The following SPEG variants were observed in gnomAD, a reference collection of about 807,000 sequenced individuals.
SPEG encodes striated muscle enriched protein kinase, also known as striated muscle preferentially expressed protein kinase.
In SPEG, 114 loss-of-function variants were observed where a neutral mutation model predicts 300.4. That is an observed-to-expected ratio of 0.38 (90% confidence interval 0.33 to 0.44). The LOEUF (loss-of-function observed/expected upper bound fraction) is 0.44, where lower values mean the gene tolerates loss of function less well. SPEG is among the 20% of genes least tolerant of loss of function. The pLI, the probability that SPEG is intolerant of heterozygous loss-of-function variation, is 1.00. For missense variants in SPEG, 4,201 were observed against 4,586.2 expected, an observed-to-expected ratio of 0.92 and a Z score of 2.43; for synonymous variants, 1,964 against 2,018.9, an observed-to-expected ratio of 0.97 and a Z score of 0.73.
Position 219,488,202 on chromosome 2 carries a change from C to A in SPEG, c.7750C>A (p.Pro2584Thr). 1 of 1,611,996 alleles carries A rather than the reference C, an allele frequency of 6.2e-7. No homozygotes were observed. Among genetic ancestry groups the A allele is most frequent in the Non-Finnish European group, 8.5e-7 (1 of 1,178,616 alleles). ...CTCTGCTTTTCCTCCAGACTTCCCC[C>A]CAGTCTTCCACATCAAACTCAAGGA... ...QYVRSESDFP[P>T]VFHIKLKDQV... is the part of the protein sequence containing the mutation. Residue 2584 changes from proline to threonine, a missense_variant, in exon 32 of 41, where the codon CCA becomes ACA. Transcript: ENST00000312358.
Position 219,480,823 on chromosome 2 carries a change from G to A in SPEG, c.5369+126G>A. On this transcript the variant is annotated intron_variant, in intron 26 of 40. Transcript: ENST00000312358. The surrounding 1 kb of genome is among the most constrained non-coding windows in gnomAD (Gnocchi z 5.3). ...CTTCTTGCACTGCAAGGAGCCTCATGTGCATGAAGGTGGACACCCCTGTCT... is the reference window on the plus strand; with the variant it reads ...CTTCTTGCACTGCAAGGAGCCTCATATGCATGAAGGTGGACACCCCTGTCT... 3.4e-6 allele frequency: 3 copies of A among 890,644 alleles called. No homozygotes were observed. Among genetic ancestry groups the A allele is most frequent in the Non-Finnish European group, 5.5e-6 (3 of 544,628 alleles). 55.2% of individuals were successfully genotyped at this position (890,644 alleles called of 1,614,324 possible). A position where few individuals can be genotyped will look rare whatever the true frequency, so the allele number is the denominator to read the frequency against.
At chr2:219,436,962 G>A (rs1207800304) in intron 1 of SPEG, among the ~76,000 whole-genome samples, 3 of 152,190 alleles carry the variant, frequency 2.0e-5, no homozygotes, top group African/African-American at 7.2e-5. Context: ...GGGAACGAAA[G>A]AGCTGACAAG....
At chr2:219,469,498 G>A in intron 13 of SPEG, 119 bp downstream of exon 13, 1 of 836,654 alleles carries the variant, frequency 1.2e-6, no homozygotes, top group Admixed American at 2.5e-5. Context: ...CAGGGACAGG[G>A]TGCCTGGGGG....
Position 219,472,872 on chromosome 2 carries a change from T to C in SPEG, c.3941-18T>C. 2 of 1,558,492 alleles carry C rather than the reference T, an allele frequency of 1.3e-6. No individual in the cohort carries two copies. Among genetic ancestry groups the C allele is most frequent in the South Asian group, 1.2e-5 (1 of 82,278 alleles). On this transcript the variant is annotated intron_variant, in intron 15 of 40. Transcript: ENST00000312358. ...CTGCTCCTGCAACAGCAGCCTCTAG[T>C]AGCTCCTCTCCCGCCAGACCCGGAC...
intron 4 of SPEG, chr2:219,450,598 G>A (rs1254748087): frequency 2.0e-5 from 3 of 152,388 alleles, no homozygotes; most frequent in East Asian, 3.9e-4. Flanking sequence ...TTTGGTGAAC[G>A]GATGAAATCA....
chr2:219,448,790 A>G lies in SPEG; in HGVS notation c.1632A>G (p.Thr544=). 7.1e-7 allele frequency: 1 copy of G among 1,408,234 alleles called. No individual in the cohort carries two copies. The highest frequency in any genetic ancestry group is 1.5e-5 in the South Asian group (1 of 65,772). 87.2% of individuals were successfully genotyped at this position (1,408,234 alleles called of 1,614,324 possible). A position where few individuals can be genotyped will look rare whatever the true frequency, so the allele number is the denominator to read the frequency against. The change falls in exon 4 of 41, where the codon ACA becomes ACG. Residue 544 remains threonine, a synonymous_variant. Coordinates refer to ENST00000312358, the MANE Select transcript of SPEG (RefSeq NM_005876.5). ...TCTCTCGGCCCTCCACCCCCAAGACATCGCGGGCCGTGAGCCCCGCCGCCG... is the reference window on the plus strand; with the variant it reads ...TCTCTCGGCCCTCCACCCCCAAGACGTCGCGGGCCGTGAGCCCCGCCGCCG... The part of the protein sequence containing the change: ...PLFSRPSTPK[T]SRAVSPAAAQ...
At chr2:219,469,478 G>A in intron 13 of SPEG, 99 bp downstream of exon 13, 3 of 995,126 alleles carry the variant, frequency 3.0e-6, no homozygotes, top group Non-Finnish European at 1.5e-6. Flanking sequence ...CCTTTCCTCT[G>A]TAGCCTGACC....
chr2:219,436,464 G>A (rs900671238), intron 1 of SPEG, among the ~76,000 whole-genome samples: 2 of 152,258 alleles, frequency 1.3e-5, no homozygotes, highest in African/African-American at 4.8e-5. Flanking sequence ...AAGGAGCTGG[G>A]GGTTCACTCC....
rs1277639063 is a variant in SPEG at position 219,451,615 on chromosome 2, C to T, written c.2258-10C>T. The stretch of plus-strand genomic sequence containing the variant: ...GCCGTGGCGAGCCGGGTCCCTGTGC[C>T]TCCCCACAGTGTCCTGGCACAAGGA... On this transcript the variant is annotated splice_polypyrimidine_tract_variant and intron_variant, in intron 5 of 40. Transcript: ENST00000312358. The surrounding 1 kb of genome is among the most constrained non-coding windows in gnomAD (Gnocchi z 6.4). 2 of 1,530,248 alleles carry T rather than the reference C, an allele frequency of 1.3e-6. No individual in the cohort carries two copies. The highest frequency in any genetic ancestry group is 1.8e-6 in the Non-Finnish European group (2 of 1,139,296). The allele number at this position is 1,530,248 out of a possible 1,614,324, so 94.8% of individuals were successfully genotyped here. A position where few individuals can be genotyped will look rare whatever the true frequency, so the allele number is the denominator to read the frequency against.
intron 39 of SPEG, 60 bp from the exon 40 acceptor site, chr2:219,492,048 CCTT>C (rs1225732587): frequency 2.3e-5 from 35 of 1,546,324 alleles, no homozygotes; most frequent in Admixed American, 1.0e-4. Flanking sequence ...ACACTAATGT[CCTT>C]CTGGGTCTGG....
intron 1 of SPEG, among the ~76,000 whole-genome samples, chr2:219,441,815 GC>G (rs943830560): frequency 7.3e-5 from 11 of 151,194 alleles, no homozygotes; most frequent in African/African-American, 2.4e-4. Context: ...CAAGGAAGGG[GC>G]CCCAGGTGGG....
chr2:219,487,483 G>T (rs1693547590), intron 31 of SPEG, among the ~76,000 whole-genome samples: 1 of 152,202 alleles, frequency 6.6e-6, no homozygotes, highest in Admixed American at 6.5e-5. Context: ...TATTTTCCTT[G>T]ATTTACAGAT....
chr2:219,438,211 A>G (rs775320621), intron 1 of SPEG, among the ~76,000 whole-genome samples: 1 of 152,184 alleles, frequency 6.6e-6, no homozygotes, highest in Non-Finnish European at 1.5e-5. Flanking sequence ...GAAATGCAGG[A>G]TACTTGTAGA....
At chr2:219,465,860 T>C (rs1307570177) in intron 9 of SPEG, 3 of 612,166 alleles carry the variant, frequency 4.9e-6, no homozygotes, top group Admixed American at 2.5e-5. Flanking sequence ...TGTGTGTGCA[T>C]GTGTGTGCGT....
Position 219,467,278 on chromosome 2 carries a change from G to A in SPEG, c.2986G>A (p.Asp996Asn), listed in dbSNP as rs1691457187. The change falls in exon 10 of 41, where the codon GAC becomes AAC. Residue 996 changes from aspartate (D) to asparagine (N), a missense_variant. Coordinates refer to ENST00000312358, the MANE Select transcript of SPEG (RefSeq NM_005876.5). ...LFECLVAGPT[D>N]VEVDWLCRGR... Reference sequence around the variant, plus strand: ...TGAGTGCCTGGTGGCGGGGCCCACTGACGTGGAGGTGGATTGGCTGTGCCG... The same window carrying A: ...TGAGTGCCTGGTGGCGGGGCCCACTAACGTGGAGGTGGATTGGCTGTGCCG... The A allele has an allele frequency of 2.5e-6, 4 of 1,609,418 alleles. No homozygotes were observed. Among genetic ancestry groups the A allele is most frequent in the South Asian group, 1.1e-5 (1 of 91,066 alleles).
chr2:219,492,548 C>A (rs1694071688), intron 40 of SPEG, 46 bp from the exon 41 acceptor site: 1 of 1,589,474 alleles, frequency 6.3e-7, no homozygotes, highest in South Asian at 1.1e-5. Context: ...CCCGGCAGCT[C>A]CCAGAGCTTC....
chr2:219,464,142 A>G lies in SPEG; in HGVS notation c.2706-291A>G, dbSNP rs911205389. Among the ~76,000 whole-genome samples the G allele has an allele frequency of 4.0e-5, 6 of 151,610 alleles. No homozygotes were observed. The highest frequency in any genetic ancestry group is 1.3e-4 in the Admixed American group (2 of 15,232). ...TGTTTAAAAAAAAAAAAAAAAGACA[A>G]GAAAAAAGAGCTAAATAGCACGGCT... On this transcript the variant is annotated intron_variant, in intron 8 of 40. Transcript: ENST00000312358. This position sits in a 1 kb window ranked among gnomAD's most constrained non-coding sequence, Gnocchi z 4.5.
At position 219,435,037 on chromosome 2, in the gene SPEG, C is replaced by T. The variant is rs943004421; in HGVS notation, c.60C>T (p.Pro20=). ...CGGGCACGAGGGCACCCCCCAGCCCCGGAGTGCCCCCGAAAAGGGCCAAGG... is the reference window on the plus strand; with the variant it reads ...CGGGCACGAGGGCACCCCCCAGCCCTGGAGTGCCCCCGAAAAGGGCCAAGG... The part of the protein sequence containing the change: ...EDAGTRAPPS[P]GVPPKRAKVG... Residue 20 remains proline, a synonymous_variant, in exon 1 of 41, where the codon CCC becomes CCT. Coordinates refer to ENST00000312358, the MANE Select transcript of SPEG (RefSeq NM_005876.5). 2 of 1,494,768 alleles carry T rather than the reference C, an allele frequency of 1.3e-6. No individual in the cohort carries two copies. The highest frequency in any genetic ancestry group is 1.8e-6 in the Non-Finnish European group (2 of 1,130,456). 92.6% of individuals were successfully genotyped at this position (1,494,768 alleles called of 1,614,324 possible).
intron 10 of SPEG, 100 bp downstream of exon 10, chr2:219,467,534 C>A: frequency 7.1e-7 from 1 of 1,409,030 alleles, no homozygotes; most frequent in Non-Finnish European, 9.6e-7. Context: ...AGAGCTCCAA[C>A]CCCGAGGGGA....
Sources: gnomAD v4.1 joint callset for allele counts (sites outside exome capture counted in the v4.1 genomes callset) on GRCh38, gnomAD v4.1.1 for gene constraint, Gnocchi (gnomAD v3.1) non-coding constraint, MANE v1.5 for transcripts, NCBI Gene and HGNC (gene_info 2026-07-23, HGNC 2026-07-21) for gene names.